SAMMSON: variants seen among roughly 807,000 people sequenced by gnomAD.
SAMMSON encodes survival associated mitochondrial melanoma specific oncogenic non-coding RNA, also known as long intergenic non-protein coding RNA 1212.
chr3:70,217,074 GT>G (rs1701419111), intron 4 of SAMMSON, among the ~76,000 whole-genome samples: 1 of 151,970 alleles, frequency 6.6e-6, no homozygotes. Context: ...TATTTTATTT[GT>G]TTACTTGCTT....
intron 3 of SAMMSON, among the ~76,000 whole-genome samples, chr3:70,036,443 G>A (rs550876603): frequency 6.6e-6 from 1 of 152,282 alleles, no homozygotes; most frequent in African/African-American, 2.4e-5. Context: ...GAAGGCTTTT[G>A]TTCTCATTAG....
chr3:70,352,968 T>G lies in SAMMSON; in HGVS notation n.740-1207T>G, dbSNP rs184343686. 4.6e-3 allele frequency among the ~76,000 whole-genome samples: 705 copies of G among 152,042 alleles called. 1 individual carries two copies. Among genetic ancestry groups the G allele is most frequent in the Non-Finnish European group, 6.4e-3 (436 of 67,908 alleles). On this transcript the variant is annotated intron_variant and non_coding_transcript_variant, in intron 7 of 9. Coordinates refer to ENST00000642114, the Ensembl canonical transcript of SAMMSON. ...ACTTTTGACAAAGATAAATAAACAATTCAATGGAACAAAAAGATAAATTTT... is the reference window on the plus strand; with the variant it reads ...ACTTTTGACAAAGATAAATAAACAAGTCAATGGAACAAAAAGATAAATTTT...
chr3:70,303,258 C>T (rs999677322), intron 7 of SAMMSON, among the ~76,000 whole-genome samples: 1 of 152,272 alleles, frequency 6.6e-6, no homozygotes, highest in Non-Finnish European at 1.5e-5. Context: ...TGAATTCCCT[C>T]TGAAGAAGCA....
chr3:70,065,670 A>G (rs905397911), intron 3 of SAMMSON, among the ~76,000 whole-genome samples: 4 of 152,024 alleles, frequency 2.6e-5, no homozygotes, highest in African/African-American at 7.2e-5. Flanking sequence ...TTTGGTTGTC[A>G]CATCTGGGGG....
chr3:70,128,075 T>C (rs1223866646), intron 4 of SAMMSON, among the ~76,000 whole-genome samples: 2 of 152,226 alleles, frequency 1.3e-5, no homozygotes, highest in South Asian at 2.1e-4. Context: ...CGCAGAAGTA[T>C]GTAGGATCAA....
At chr3:70,122,746 T>G (rs2106668019) in intron 4 of SAMMSON, among the ~76,000 whole-genome samples, 1 of 152,362 alleles carries the variant, frequency 6.6e-6, no homozygotes, top group South Asian at 2.1e-4. Flanking sequence ...AAAGATTAGT[T>G]TTCTAGGTCT....
chr3:70,316,913 T>A (rs1702498205), intron 7 of SAMMSON, among the ~76,000 whole-genome samples: 1 of 152,080 alleles, frequency 6.6e-6, no homozygotes, highest in Non-Finnish European at 1.5e-5. Context: ...TTTTTATACC[T>A]GCTTTTTCTA....
chr3:70,012,347 G>A (rs1302831846), intron 1 of SAMMSON: 1 of 150,724 alleles, frequency 6.6e-6, no homozygotes, highest in Non-Finnish European at 1.5e-5. Flanking sequence ...TTTTTTTGTT[G>A]ATTATCCAGG....
At chr3:70,193,936 C>T (rs1377360903) in intron 4 of SAMMSON, among the ~76,000 whole-genome samples, 1 of 152,096 alleles carries the variant, frequency 6.6e-6, no homozygotes, top group Non-Finnish European at 1.5e-5. Flanking sequence ...TGTTTTCTTG[C>T]TCCTTTGGAA....
chr3:70,242,950 T>TA lies in SAMMSON; in HGVS notation n.508-6150dup, dbSNP rs201506183. Among the ~76,000 whole-genome samples the TA allele has an allele frequency of 9.2e-5, 14 of 152,264 alleles. No homozygotes were observed. The South Asian group carries it at 1.5e-3, about 16-fold the overall frequency. On this transcript the variant is annotated intron_variant and non_coding_transcript_variant, in intron 4 of 9. Transcript: ENST00000642114. Reference sequence around the variant, plus strand: ...AAAAACAACCATCAAAAAAAGACTTTAAAAAAATTGCCCCAGGCCTAACCT... The same window carrying TA: ...AAAAACAACCATCAAAAAAAGACTTTAAAAAAAATTGCCCCAGGCCTAACCT...
chr3:70,410,392 T>C (rs555649705), intron 2 of SAMMSON, among the ~76,000 whole-genome samples: 11 of 152,316 alleles, frequency 7.2e-5, no homozygotes, highest in African/African-American at 1.7e-4. Context: ...CCCTAAGACA[T>C]TGTTTAAAAG....
intron 4 of SAMMSON, among the ~76,000 whole-genome samples, chr3:70,157,758 C>A (rs1378323559): frequency 6.6e-6 from 1 of 152,058 alleles, no homozygotes; most frequent in Non-Finnish European, 1.5e-5. Flanking sequence ...GCATTATGAA[C>A]CCTGCCTCCT....
chr3:70,013,379 G>A (rs958707436), intron 2 of SAMMSON: 2 of 152,154 alleles, frequency 1.3e-5, no homozygotes, highest in African/African-American at 4.8e-5. Context: ...CACATAGTAA[G>A]TGCTCAGTTA....
chr3:70,349,943 A>G (rs994844575), intron 7 of SAMMSON, among the ~76,000 whole-genome samples: 1 of 152,194 alleles, frequency 6.6e-6, no homozygotes, highest in Admixed American at 6.5e-5. Flanking sequence ...TTTTTTGAAC[A>G]TGATTGTTGC....
chr3:70,049,878 G>C (rs1229671287), intron 3 of SAMMSON, among the ~76,000 whole-genome samples: 1 of 152,064 alleles, frequency 6.6e-6, no homozygotes, highest in African/African-American at 2.4e-5. Flanking sequence ...AGCACAGTTT[G>C]TTTTTACCCC....
At chr3:70,075,753 C>T (rs767268280) in intron 4 of SAMMSON, among the ~76,000 whole-genome samples, 3 of 152,104 alleles carry the variant, frequency 2.0e-5, no homozygotes, top group Non-Finnish European at 2.9e-5. Context: ...TTCAGACAAA[C>T]TCATAGCGCA....
intron 3 of SAMMSON, among the ~76,000 whole-genome samples, chr3:70,053,219 G>A (rs1264791361): frequency 1.3e-5 from 2 of 152,084 alleles, no homozygotes; most frequent in Non-Finnish European, 2.9e-5. Flanking sequence ...CAAAGTCATT[G>A]TAGTGGTTAA....
intron 9 of SAMMSON, among the ~76,000 whole-genome samples, chr3:70,383,498 T>G (rs950964514): frequency 6.6e-6 from 1 of 152,136 alleles, no homozygotes; most frequent in Non-Finnish European, 1.5e-5. Context: ...CTTTGAGGTT[T>G]CCACGCCCAC....
At position 70,033,246 on chromosome 3, in the gene SAMMSON, C is replaced by T. The variant is rs565709607; in HGVS notation, n.417+19574C>T. On this transcript the variant is annotated intron_variant and non_coding_transcript_variant, in intron 3 of 9. Coordinates refer to ENST00000642114, the Ensembl canonical transcript of SAMMSON. The stretch of plus-strand genomic sequence containing the variant: ...TTCCCTTTCTCAGTCTTCCTACCTC[C>T]CTCTCCTACTTCCTATAATCATTTC... 8.5e-4 allele frequency among the ~76,000 whole-genome samples: 129 copies of T among 152,244 alleles called. 1 individual carries two copies. Among genetic ancestry groups the T allele is most frequent in the South Asian group, 3.5e-3 (17 of 4,822 alleles).
Sources: allele counts gnomAD v4.1 joint callset (sites outside exome capture counted in the v4.1 genomes callset), GRCh38; gene constraint gnomAD v4.1.1; transcripts MANE v1.5; gene names NCBI Gene and HGNC (gene_info 2026-07-23, HGNC 2026-07-21).